PAPPA2: variants seen among roughly 807,000 people sequenced by gnomAD.
PAPPA2 encodes pappalysin 2, also known as pappalysin-2.
Under a neutral mutation model 176.4 loss-of-function variants are expected in PAPPA2, and 86 were observed. The observed-to-expected ratio is 0.49, with a 90% CI of 0.41 to 0.58. The LOEUF is 0.58. Among genes scored for constraint, PAPPA2 ranks in the 20% least tolerant of loss-of-function variants. PAPPA2 has a pLI of 0.00. For missense variants in PAPPA2, 2,073 were observed against 2,256.9 expected (o/e 0.92, Z 1.65); for synonymous variants, 809 against 852.2 (o/e 0.95, Z 0.88).
intron 12 of PAPPA2, among the ~76,000 whole-genome samples, chr1:176,715,274 A>G (rs904705007): frequency 1.3e-5 from 2 of 152,186 alleles, no homozygotes; most frequent in Non-Finnish European, 2.9e-5. Flanking sequence ...CAGCAAGGTA[A>G]ATGGGATTCC....
At chr1:176,671,568 G>A (rs942143677) in intron 4 of PAPPA2, among the ~76,000 whole-genome samples, 6 of 152,026 alleles carry the variant, frequency 3.9e-5, no homozygotes, top group Admixed American at 3.3e-4. Flanking sequence ...CCTGCTCACC[G>A]GGGAAAAGAG....
chr1:176,769,387 C>T (rs989531793), intron 15 of PAPPA2, among the ~76,000 whole-genome samples: 4 of 152,060 alleles, frequency 2.6e-5, no homozygotes, highest in African/African-American at 7.2e-5. Flanking sequence ...CTTGCCATGT[C>T]GTGATTCTCT....
intron 1 of PAPPA2, among the ~76,000 whole-genome samples, chr1:176,528,117 CCTGCATTCAAATGGG>C (rs1238685346): frequency 1.3e-5 from 2 of 152,092 alleles, no homozygotes; most frequent in Non-Finnish European, 2.9e-5. Flanking sequence ...TCAAATGGAC[CCTGCATTCAAATGGG>C]CTGCATTCAA....
intron 2 of PAPPA2, among the ~76,000 whole-genome samples, chr1:176,587,909 A>G (rs896991827): frequency 6.6e-6 from 1 of 152,258 alleles, no homozygotes; most frequent in Non-Finnish European, 1.5e-5. Flanking sequence ...AACTTTAAAA[A>G]AAGAAATTTA....
At chr1:176,783,863 C>G (rs1002037634) in intron 17 of PAPPA2, among the ~76,000 whole-genome samples, 2 of 152,152 alleles carry the variant, frequency 1.3e-5, no homozygotes, top group Admixed American at 6.6e-5. Flanking sequence ...ATAAAAACTT[C>G]TGGCAGGTTT....
At chr1:176,493,520 C>T (rs1647414493) in intron 1 of PAPPA2, among the ~76,000 whole-genome samples, 1 of 152,176 alleles carries the variant, frequency 6.6e-6, no homozygotes, top group Non-Finnish European at 1.5e-5. Context: ...ACCTCACCCC[C>T]AGTCACAGGC....
intron 21 of PAPPA2, among the ~76,000 whole-genome samples, chr1:176,833,734 C>T (rs1197836278): frequency 1.3e-5 from 2 of 152,034 alleles, no homozygotes; most frequent in Admixed American, 6.6e-5. Context: ...TGATACACCT[C>T]CAAATGTATG....
chr1:176,833,435 C>CA (rs1199619927), intron 21 of PAPPA2, among the ~76,000 whole-genome samples: 1 of 152,202 alleles, frequency 6.6e-6, no homozygotes, highest in Non-Finnish European at 1.5e-5. Flanking sequence ...TACAAAGGGC[C>CA]AAGACCTAGG....
chr1:176,527,240 C>CTGCACCACTCTGCACA, intron 1 of PAPPA2, among the ~76,000 whole-genome samples: 1 of 152,148 alleles, frequency 6.6e-6, no homozygotes, highest in East Asian at 1.9e-4. Flanking sequence ...CAGTGGATGC[C>CTGCACCACTCTGCACA]ACCACAGCCA....
intron 2 of PAPPA2, among the ~76,000 whole-genome samples, chr1:176,587,632 C>T (rs933540609): frequency 4.6e-5 from 7 of 152,168 alleles, no homozygotes; most frequent in African/African-American, 1.4e-4. Flanking sequence ...CTCTGTTCTA[C>T]TCCATTGGTC....
At chr1:176,742,401 A>C (rs1186720920) in intron 14 of PAPPA2, among the ~76,000 whole-genome samples, 1 of 152,182 alleles carries the variant, frequency 6.6e-6, no homozygotes, top group African/African-American at 2.4e-5. Flanking sequence ...AAGTTGATTA[A>C]TTGTAATTAC....
At chr1:176,815,941 G>A (rs1666362531) in intron 21 of PAPPA2, among the ~76,000 whole-genome samples, 1 of 151,970 alleles carries the variant, frequency 6.6e-6, no homozygotes, top group African/African-American at 2.4e-5. Flanking sequence ...GTGAGTCTCA[G>A]AGGGATGCCT....
intron 1 of PAPPA2, among the ~76,000 whole-genome samples, chr1:176,477,776 T>TAAATA (rs1160242100): frequency 4.6e-5 from 5 of 109,150 alleles, no homozygotes; most frequent in Non-Finnish European, 7.1e-5. Context: ...CATTAAAAAA[T>TAAATA]AAATAAAATA....
intron 2 of PAPPA2, among the ~76,000 whole-genome samples, chr1:176,561,372 A>G (rs908788617): frequency 6.6e-6 from 1 of 152,218 alleles, no homozygotes; most frequent in Non-Finnish European, 1.5e-5. Context: ...AGGAGCTAAC[A>G]GTGGGAGGCA....
At chr1:176,796,075 C>A (rs1481634383) in intron 20 of PAPPA2, among the ~76,000 whole-genome samples, 1 of 152,210 alleles carries the variant, frequency 6.6e-6, no homozygotes, top group Non-Finnish European at 1.5e-5. Flanking sequence ...CTCAGCCCCA[C>A]CCCCAAAGTG....
At chr1:176,679,325 C>T (rs1248774327) in intron 4 of PAPPA2, among the ~76,000 whole-genome samples, 1 of 151,972 alleles carries the variant, frequency 6.6e-6, no homozygotes, top group Non-Finnish European at 1.5e-5. Flanking sequence ...AATGACTAAA[C>T]CCGTCTCCTA....
intron 3 of PAPPA2, among the ~76,000 whole-genome samples, chr1:176,665,021 C>T (rs1417710902): frequency 6.6e-6 from 1 of 152,044 alleles, no homozygotes; most frequent in Non-Finnish European, 1.5e-5. Flanking sequence ...GGGAGGAATT[C>T]TGCGTTTTCT....
At chr1:176,492,517 T>C (rs1647347373) in intron 1 of PAPPA2, among the ~76,000 whole-genome samples, 1 of 152,178 alleles carries the variant, frequency 6.6e-6, no homozygotes, top group Non-Finnish European at 1.5e-5. Context: ...TTCTGCAACA[T>C]AAAGGTGCTT....
At chr1:176,774,990 C>T (rs751022885) in intron 17 of PAPPA2, among the ~76,000 whole-genome samples, 11 of 152,090 alleles carry the variant, frequency 7.2e-5, no homozygotes, top group African/African-American at 2.4e-4. Context: ...CAGAGCTCTC[C>T]GTGACAGTGA....
Sources: gnomAD v4.1 joint callset for allele counts (sites outside exome capture counted in the v4.1 genomes callset) on GRCh38, gnomAD v4.1.1 for gene constraint, MANE v1.5 for transcripts, NCBI Gene and HGNC (gene_info 2026-07-23, HGNC 2026-07-21) for gene names.